SCAPER: variants seen among roughly 807,000 people sequenced by gnomAD.
SCAPER encodes the protein S phase cyclin A-associated protein in the endoplasmic reticulum.
SCAPER carries 98 observed loss-of-function variants against 182.2 expected under a neutral mutation model. The observed-to-expected ratio is 0.54, with a 90% CI of 0.46 to 0.64. SCAPER has a LOEUF of 0.64. Among genes scored for constraint, SCAPER ranks in the 30% least tolerant of loss-of-function variants. The probability of loss-of-function intolerance (pLI) is 0.00; values close to 1 mark genes in which losing one functional copy is unlikely to be tolerated. For synonymous variants in SCAPER, 605 were observed against 564.6 expected (o/e 1.07, Z -1.01); for missense variants, 1,432 against 1,690.0 (o/e 0.85, Z 2.68).
chr15:76,770,024 A>C (rs1048346480), intron 10 of SCAPER, among the ~76,000 whole-genome samples: 3 of 152,188 alleles, frequency 2.0e-5, no homozygotes, highest in African/African-American at 7.2e-5. Flanking sequence ...CTATGCAGCC[A>C]TAAAAAAGGA....
chr15:76,895,875 C>G (rs554140019), intron 1 of SCAPER, among the ~76,000 whole-genome samples: 42 of 152,040 alleles, frequency 2.8e-4, no homozygotes, highest in African/African-American at 8.4e-4. Context: ...CCCATCTCTA[C>G]TAAAAATACA....
intron 26 of SCAPER, among the ~76,000 whole-genome samples, chr15:76,407,789 A>G (rs1261782358): frequency 1.3e-5 from 2 of 152,192 alleles, no homozygotes; most frequent in Non-Finnish European, 2.9e-5. Flanking sequence ...GTTAAGCATT[A>G]TATTTTAAAT....
intron 22 of SCAPER, among the ~76,000 whole-genome samples, chr15:76,611,319 A>G (rs865991961): frequency 6.6e-6 from 1 of 152,216 alleles, no homozygotes; most frequent in Middle Eastern, 3.4e-3. Flanking sequence ...AAAACATAAG[A>G]AAAAAATGAA....
Position 76,655,580 on chromosome 15 carries a change from A to C in SCAPER, c.2645+10073T>G, listed in dbSNP as rs146815366. 2.1e-3 allele frequency among the ~76,000 whole-genome samples: 327 copies of C among 152,314 alleles called. 2 individuals carry two copies. The highest frequency in any genetic ancestry group is 7.3e-3 in the African/African-American group (303 of 41,566). ...ACTACACAAGACAACTATGTGCAAG[A>C]CATACAGTCATCAGACTCTCCACAA... is the stretch of plus-strand genomic sequence containing the variant. On this transcript the variant is annotated intron_variant, in intron 21 of 31. Transcript: ENST00000563290.
chr15:76,586,584 A>T (rs994854622), intron 22 of SCAPER: 2 of 152,928 alleles, frequency 1.3e-5, no homozygotes, highest in Non-Finnish European at 2.9e-5. Flanking sequence ...ATGTATATAC[A>T]TATGCATACA....
intron 21 of SCAPER, among the ~76,000 whole-genome samples, chr15:76,659,091 A>T (rs1266911226): frequency 6.6e-6 from 1 of 152,194 alleles, no homozygotes; most frequent in East Asian, 1.9e-4. Context: ...ATTTAAAATA[A>T]AGAGTTTCCA....
chr15:76,768,835 A>T (rs1441455038), intron 10 of SCAPER, among the ~76,000 whole-genome samples: 4 of 151,978 alleles, frequency 2.6e-5, no homozygotes, highest in African/African-American at 9.6e-5. Context: ...CAAAAAAAAA[A>T]AAAAATATAT....
At chr15:76,394,873 T>A (rs2043944399) in intron 27 of SCAPER, among the ~76,000 whole-genome samples, 1 of 152,232 alleles carries the variant, frequency 6.6e-6, no homozygotes, top group South Asian at 2.1e-4. Context: ...TTAGTTATTT[T>A]AAAATGTACA....
chr15:76,650,385 G>T (rs549227322), intron 21 of SCAPER, among the ~76,000 whole-genome samples: 2 of 152,008 alleles, frequency 1.3e-5, no homozygotes, highest in Admixed American at 6.5e-5. Context: ...ATATTACACA[G>T]AGTAGGTTTT....
intron 8 of SCAPER, among the ~76,000 whole-genome samples, chr15:76,777,453 C>T (rs2063810481): frequency 6.6e-6 from 1 of 151,938 alleles, no homozygotes; most frequent in South Asian, 2.1e-4. Context: ...AATCCCAGCA[C>T]TTTAGGAGGC....
At chr15:76,615,536 T>G (rs763406093) in intron 22 of SCAPER, among the ~76,000 whole-genome samples, 1 of 137,416 alleles carries the variant, frequency 7.3e-6, no homozygotes. Context: ...CACACACAAA[T>G]GAGGCCAGGC....
chr15:76,633,962 C>T (rs2053379938), intron 21 of SCAPER, among the ~76,000 whole-genome samples: 1 of 152,240 alleles, frequency 6.6e-6, no homozygotes, highest in Non-Finnish European at 1.5e-5. Context: ...CAGCCCCCTT[C>T]CCATGGAGTG....
rs2067436438 is a variant in SCAPER at position 76,820,354 on chromosome 15, G to C, written c.394-15721C>G. 4.6e-5 allele frequency among the ~76,000 whole-genome samples: 7 copies of C among 152,170 alleles called. No homozygotes were observed. The South Asian group carries it at 1.5e-3, about 32-fold the overall frequency. On this transcript the variant is annotated intron_variant, in intron 5 of 31. Transcript: ENST00000563290. ...GGAACCAACCCAAATGTCCAACAAG[G>C]ATAGACTGGATTAAGAAAATGTGGC...
chr15:76,432,606 G>A (rs2046941720), intron 26 of SCAPER, among the ~76,000 whole-genome samples: 1 of 152,210 alleles, frequency 6.6e-6, no homozygotes, highest in Non-Finnish European at 1.5e-5. Context: ...GGTGGAACAG[G>A]TAATTGATTA....
intron 24 of SCAPER, 112 bp from the exon 25 acceptor site, chr15:76,471,447 C>T: frequency 8.1e-7 from 1 of 1,237,670 alleles, no homozygotes; most frequent in Non-Finnish European, 1.1e-6. Context: ...ATGGAAGTCA[C>T]TCTAAAAACC....
intron 23 of SCAPER, among the ~76,000 whole-genome samples, chr15:76,511,839 A>ATGTGTGTGTGTGTGTGTGTG (rs769062491): frequency 2.4e-5 from 1 of 42,416 alleles, no homozygotes; most frequent in African/African-American, 5.7e-5. Flanking sequence ...TTATATATAT[A>ATGTGTGTGTGTGTGTGTGTG]TATATGTGTG....
At chr15:76,901,005 C>T (rs1411072152) in intron 1 of SCAPER, among the ~76,000 whole-genome samples, 1 of 152,170 alleles carries the variant, frequency 6.6e-6, no homozygotes, top group African/African-American at 2.4e-5. Context: ...AATGTTGTCA[C>T]AGGCATACTC....
At position 76,894,369 on chromosome 15, in the gene SCAPER, G is replaced by A. The variant is rs373324555; in HGVS notation, c.-59-10493C>T. 6.6e-5 allele frequency among the ~76,000 whole-genome samples: 10 copies of A among 152,248 alleles called. No homozygotes were observed. The East Asian group carries it at 1.7e-3, about 26-fold the overall frequency. On this transcript the variant is annotated intron_variant, in intron 1 of 31. Coordinates refer to ENST00000563290, the MANE Select transcript of SCAPER (RefSeq NM_020843.4). ...GAGCCCAAGAGTTCGAGGCTGTAGT[G>A]TGCTCTGATCATGCCTGAGACTAGT...
chr15:76,870,424 A>G (rs1347616070), intron 2 of SCAPER, among the ~76,000 whole-genome samples: 1 of 152,132 alleles, frequency 6.6e-6, no homozygotes. Context: ...TCCAAAGACT[A>G]AAAACCAAGA....
Sources: gnomAD v4.1 joint callset for allele counts (sites outside exome capture counted in the v4.1 genomes callset) on GRCh38, gnomAD v4.1.1 for gene constraint, MANE v1.5 for transcripts, NCBI Gene and HGNC (gene_info 2026-07-23, HGNC 2026-07-21) for gene names.